DNAH12: variants seen among roughly 807,000 people sequenced by gnomAD.
DNAH12 encodes axonemal beta dynein heavy chain 12.
In DNAH12, 285 loss-of-function variants were observed where a neutral mutation model predicts 371.5. The observed-to-expected ratio is 0.77, with a 90% CI of 0.70 to 0.85. The LOEUF (loss-of-function observed/expected upper bound fraction) is 0.85. Ranked by LOEUF, DNAH12 falls within the 40% of genes least tolerant of loss-of-function variation. The probability of loss-of-function intolerance (pLI) is 0.00; values close to 1 mark genes in which losing one functional copy is unlikely to be tolerated. For synonymous variants in DNAH12, 1,200 were observed against 1,213.0 expected, an observed-to-expected ratio of 0.99 and a Z score of 0.22; for missense variants, 3,611 against 3,689.4, an observed-to-expected ratio of 0.98 and a Z score of 0.55.
chr3:57,415,608 T>C, intron 37 of DNAH12, 44 bp from the exon 38 acceptor site: 2 of 1,496,462 alleles, frequency 1.3e-6, no homozygotes. Context: ...GGAAAAAAAG[T>C]CAGAATACAT....
At position 57,499,647 on chromosome 3, in the gene DNAH12, A is replaced by AATAT. The variant is rs1176721728; in HGVS notation, c.1335+1670_1335+1673dup. 3.6e-3 allele frequency among the ~76,000 whole-genome samples: 64 copies of AATAT among 17,956 alleles called. 3 individuals are homozygous for AATAT. Among genetic ancestry groups the AATAT allele is most frequent in the East Asian group, 0.023 (31 of 1,358 alleles). The allele number at this position is 17,956 out of a possible 152,430, so 11.8% of individuals were successfully genotyped here. A position where few individuals can be genotyped will look rare whatever the true frequency, so the allele number is the denominator to read the frequency against. ...CATCTCTACAAAAAAAAAAAAAAAA[A>AATAT]ATATATATATATATATATATATATA... On this transcript the variant is annotated intron_variant, in intron 11 of 73. Coordinates refer to ENST00000495027, the MANE Select transcript of DNAH12 (RefSeq NM_001366028.2).
chr3:57,454,800 T>G lies in DNAH12; in HGVS notation c.3431A>C (p.Gln1144Pro). The G allele has an allele frequency of 6.4e-7, 1 of 1,551,380 alleles. No individual in the cohort carries two copies. The highest frequency in any genetic ancestry group is 8.7e-7 in the Non-Finnish European group (1 of 1,146,804). Residue 1144 changes from glutamine (Q) to proline (P), a missense_variant, in exon 23 of 74, where the codon CAG (glutamine) becomes CCG (proline). Gln to Pro is a moderately conservative substitution (Grantham distance 76, BLOSUM62 -1). Transcript: ENST00000495027. ...ISQMFWTSET[Q>P]EVISGGTEGL... ...CTCCGTCCCGCCACTTATCACTTCC[T>G]GTGTCTCAGATGTCCAGAACATTTG...
intron 58 of DNAH12, among the ~76,000 whole-genome samples, chr3:57,359,910 T>C (rs2062886077): frequency 6.6e-6 from 1 of 152,200 alleles, no homozygotes; most frequent in Non-Finnish European, 1.5e-5. Context: ...CAGGGTCAGA[T>C]ACAGAGTATG....
rs1453104304 is a variant in DNAH12 at position 57,408,469 on chromosome 3, A to G, written c.6087T>C (p.Pro2029=). Reference sequence around the variant, plus strand: ...TAACTGGATTTCTTCCACCACCTGGAGGGCCCATTGCAGCAATCAGCTCTA... The same window carrying G: ...TAACTGGATTTCTTCCACCACCTGGGGGGCCCATTGCAGCAATCAGCTCTA... ...VDIELIAAMG[P]PGGGRNPVTP... Residue 2029 remains proline, a synonymous_variant, in exon 40 of 74, where the codon CCT becomes CCC. Coordinates refer to ENST00000495027, the MANE Select transcript of DNAH12 (RefSeq NM_001366028.2). The G allele has an allele frequency of 1.9e-6, 3 of 1,551,500 alleles. No individual in the cohort carries two copies. The highest frequency in any genetic ancestry group is 2.4e-5 in the East Asian group (1 of 40,906).
At chr3:57,309,634 T>C in intron 68 of DNAH12, 32 bp downstream of exon 68, 4 of 1,416,572 alleles carry the variant, frequency 2.8e-6, no homozygotes, top group Middle Eastern at 5.0e-4. Context: ...TTTATTTATA[T>C]TATAAGTAAC....
chr3:57,430,417 T>C (rs556948932), intron 32 of DNAH12, among the ~76,000 whole-genome samples: 8 of 152,306 alleles, frequency 5.3e-5, no homozygotes, highest in African/African-American at 1.2e-4. Context: ...ATTTCCTCAG[T>C]TGTACCAGAA....
At chr3:57,339,702 G>A (rs921257479) in intron 60 of DNAH12, among the ~76,000 whole-genome samples, 1 of 151,946 alleles carries the variant, frequency 6.6e-6, no homozygotes, top group East Asian at 1.9e-4. Flanking sequence ...CCAATAACAA[G>A]AGGAACACTC....
At chr3:57,460,766 C>A (rs934863685) in intron 19 of DNAH12, among the ~76,000 whole-genome samples, 6 of 152,128 alleles carry the variant, frequency 3.9e-5, no homozygotes, top group Non-Finnish European at 8.8e-5. Flanking sequence ...GTTTGAACCC[C>A]AGCTCTGTCA....
At chr3:57,445,543 C>T (rs1019465747) in intron 27 of DNAH12, 124 bp from the exon 28 acceptor site, 94 of 879,654 alleles carry the variant, frequency 1.1e-4, no homozygotes, top group Non-Finnish European at 1.4e-4. Flanking sequence ...TTTTTCTAAA[C>T]TCTAATTTTT....
Position 57,402,250 on chromosome 3 carries a change from A to G in DNAH12, c.6948+1059T>C, listed in dbSNP as rs1350064884. Reference sequence around the variant, plus strand: ...AATCCATTTCTCTATGCTAAATTTTAGGTTGTAGAAATTGTTTGTGAAAGG... The same window carrying G: ...AATCCATTTCTCTATGCTAAATTTTGGGTTGTAGAAATTGTTTGTGAAAGG... On this transcript the variant is annotated intron_variant, in intron 43 of 73. Transcript: ENST00000495027. 5 of 516,114 alleles carry G rather than the reference A, an allele frequency of 9.7e-6. No homozygotes were observed. The African/African-American group carries it at 1.0e-4, about 11-fold the overall frequency. The allele number at this position is 516,114 out of a possible 1,614,324, so 32.0% of individuals were successfully genotyped here.
At chr3:57,316,051 A>G (rs1486049900) in intron 65 of DNAH12, among the ~76,000 whole-genome samples, 1 of 152,172 alleles carries the variant, frequency 6.6e-6, no homozygotes, top group Non-Finnish European at 1.5e-5. Flanking sequence ...CAGTCCTGTT[A>G]TCTAGATATT....
At chr3:57,489,426 CT>C in intron 12 of DNAH12, 82 bp downstream of exon 12, 4 of 1,345,542 alleles carry the variant, frequency 3.0e-6, no homozygotes, top group Non-Finnish European at 3.9e-6. Flanking sequence ...ATATTTTAAG[CT>C]TTTGTTTTTA....
intron 40 of DNAH12, 122 bp downstream of exon 40, chr3:57,408,158 T>C (rs1553681873): frequency 2.7e-6 from 3 of 1,108,410 alleles, no homozygotes; most frequent in Non-Finnish European, 3.6e-6. Context: ...TCCTATTCTC[T>C]GGTCTTCTAA....
rs557813218 is a variant in DNAH12, at chr3:57,420,461, T to G, written c.5563-943A>C. ...ATTTGTATTTTTTTAAGTTTTAGCTTTTATTTTTATCAACATTATATATGT... is the reference window on the plus strand; with the variant it reads ...ATTTGTATTTTTTTAAGTTTTAGCTGTTATTTTTATCAACATTATATATGT... On this transcript the variant is annotated intron_variant, in intron 36 of 73. Transcript: ENST00000495027. Among the ~76,000 whole-genome samples, 50 of 152,312 alleles carry G rather than the reference T, an allele frequency of 3.3e-4. 2 individuals carry two copies. In the South Asian group the frequency reaches 0.01, roughly 31 times the overall value.
upstream of DNAH12, among the ~76,000 whole-genome samples, chr3:57,549,157 T>C (rs1019169543): frequency 1.3e-5 from 2 of 151,832 alleles, no homozygotes; most frequent in Non-Finnish European, 2.9e-5. Context: ...CACTTGTGAA[T>C]AGCCAATGCA....
At position 57,542,919 on chromosome 3, in the gene DNAH12, C is replaced by A. The variant is rs1299123918; in HGVS notation, c.-33-16G>T. The A allele has an allele frequency of 6.8e-7, 1 of 1,472,010 alleles. No homozygotes were observed. The highest frequency in any genetic ancestry group is 9.0e-7 in the Non-Finnish European group (1 of 1,113,538). The allele number at this position is 1,472,010 out of a possible 1,614,324, so 91.2% of individuals were successfully genotyped here. A position where few individuals can be genotyped will look rare whatever the true frequency, so the allele number is the denominator to read the frequency against. ...ACTCTGTACTCTGAGGAGAAAAAGT[C>A]CATAAAGCCATTATTATGTCAGCAA... On this transcript the variant is annotated splice_polypyrimidine_tract_variant and intron_variant, in intron 1 of 73. Transcript: ENST00000495027.
intron 39 of DNAH12, among the ~76,000 whole-genome samples, chr3:57,412,246 G>A (rs1221427220): frequency 6.6e-6 from 1 of 151,982 alleles, no homozygotes; most frequent in East Asian, 1.9e-4. Context: ...TAAACAACTG[G>A]ACATACACGT....
intron 2 of DNAH12, among the ~76,000 whole-genome samples, chr3:57,533,164 A>G (rs2068908618): frequency 6.6e-6 from 1 of 152,124 alleles, no homozygotes; most frequent in Non-Finnish European, 1.5e-5. Flanking sequence ...ATGTTCACTT[A>G]AGGCCCAAGG....
chr3:57,394,486 C>T (rs2063696496), intron 43 of DNAH12, among the ~76,000 whole-genome samples, 154 bp from the exon 44 acceptor site: 1 of 152,218 alleles, frequency 6.6e-6, no homozygotes, highest in African/African-American at 2.4e-5. Context: ...ACCTCCACTG[C>T]CTCCGTCCCC....
Sources: gnomAD v4.1 joint callset for allele counts (sites outside exome capture counted in the v4.1 genomes callset) on GRCh38, gnomAD v4.1.1 for gene constraint, MANE v1.5 for transcripts, NCBI Gene and HGNC (gene_info 2026-07-23, HGNC 2026-07-21) for gene names.